ATL2: variants seen among roughly 807,000 people sequenced by gnomAD.
The protein encoded by ATL2 is atlastin-2.
A neutral mutation model predicts 73.9 loss-of-function variants in ATL2; 31 were observed. The observed-to-expected ratio is 0.42, with a 90% CI of 0.32 to 0.57. ATL2 has a LOEUF of 0.57. Ranked by LOEUF, ATL2 falls within the 20% of genes least tolerant of loss-of-function variation. The pLI is 0.14. For synonymous variants in ATL2, 291 were observed against 237.5 expected (o/e 1.23, Z -2.07); for missense variants, 738 against 702.6 (o/e 1.05, Z -0.57).
In ATL2 at chr2:38,377,025, G is replaced by T. The variant is rs945860942; in HGVS notation, c.118+118C>A. 11 of 811,322 alleles carry T rather than the reference G, an allele frequency of 1.4e-5. No individual in the cohort carries two copies. In the African/African-American group the frequency reaches 1.5e-4, roughly 11 times the overall value. The allele number at this position is 811,322 out of a possible 1,614,324, so 50.3% of individuals were successfully genotyped here. On this transcript the variant is annotated intron_variant, in intron 1 of 12. Coordinates refer to ENST00000378954, the MANE Select transcript of ATL2 (RefSeq NM_001135673.4). The stretch of plus-strand genomic sequence containing the variant: ...CCGGCGGGCAGGCGCGGCGGCGGGA[G>T]GAGACCTGAACCAGCCGCGGACTCC...
intron 7 of ATL2, among the ~76,000 whole-genome samples, chr2:38,312,245 C>T (rs150587538): frequency 0.035 from 5,323 of 152,228 alleles, 124 homozygotes; most frequent in African/African-American, 0.06. Context: ...CAAATCTCAT[C>T]TCAAATTGTA....
At chr2:38,376,328 G>T in intron 1 of ATL2, 2 of 1,148,512 alleles carry the variant, frequency 1.7e-6, no homozygotes, top group Non-Finnish European at 2.3e-6. Flanking sequence ...GGGCGCTCCT[G>T]GTACACGTAC....
chr2:38,368,082 C>G (rs1194583641), intron 1 of ATL2, among the ~76,000 whole-genome samples: 1 of 150,170 alleles, frequency 6.7e-6, no homozygotes, highest in African/African-American at 2.5e-5. Flanking sequence ...CTACAGGCGC[C>G]TGCCACCACG....
At chr2:38,377,354 T>C, upstream of ATL2, 2 of 1,105,832 alleles carry the variant, frequency 1.8e-6, no homozygotes, top group Non-Finnish European at 2.5e-6. Flanking sequence ...CGGCGGGTCC[T>C]AGCGCCGCTC....
intron 1 of ATL2, among the ~76,000 whole-genome samples, chr2:38,348,878 T>C (rs1051055249): frequency 6.6e-6 from 1 of 152,166 alleles, no homozygotes; most frequent in Non-Finnish European, 1.5e-5. Context: ...GAACAGACAC[T>C]TCTCAAAAGA....
chr2:38,377,454 C>G (rs561141764), upstream of ATL2, among the ~76,000 whole-genome samples: 2 of 150,204 alleles, frequency 1.3e-5, no homozygotes, highest in Non-Finnish European at 3.0e-5. Context: ...CCGCCCATCG[C>G]TCGCTCGCTC....
At chr2:38,377,321 C>T (rs938314781), upstream of ATL2, 6 of 1,430,260 alleles carry the variant, frequency 4.2e-6, no homozygotes, top group Non-Finnish European at 4.7e-6. Context: ...CTTTATCAAC[C>T]TCCCGGGAGC....
intron 4 of ATL2, 129 bp from the exon 5 acceptor site, chr2:38,315,463 T>C (rs760296853): frequency 4.4e-6 from 4 of 900,908 alleles, no homozygotes; most frequent in Non-Finnish European, 1.6e-6. Context: ...AACTACTATC[T>C]TGACAACTGA....
At chr2:38,301,320 A>G (rs1667179863) in intron 9 of ATL2, among the ~76,000 whole-genome samples, 1 of 152,226 alleles carries the variant, frequency 6.6e-6, no homozygotes, top group Non-Finnish European at 1.5e-5. Flanking sequence ...AAGGAGGCAG[A>G]GCAAGATGGC....
intron 9 of ATL2, among the ~76,000 whole-genome samples, chr2:38,303,658 C>G (rs1343796588): frequency 1.3e-5 from 2 of 152,108 alleles, no homozygotes; most frequent in African/African-American, 4.8e-5. Context: ...AGTTCATTGC[C>G]TTAAAGAGGA....
intron 1 of ATL2, among the ~76,000 whole-genome samples, chr2:38,375,949 A>C (rs939132026): frequency 6.6e-6 from 1 of 152,238 alleles, no homozygotes; most frequent in Non-Finnish European, 1.5e-5. Flanking sequence ...ATGATGAAGT[A>C]TATTTCAAAT....
rs1222726951 is a variant in ATL2, at chr2:38,301,335, T to C, written c.1072-1007A>G. ...AAGGAGGCAGAGCAAGATGGCCAAA[T>C]AGAAGCCTCCAGTGATCACCACCTC... On this transcript the variant is annotated intron_variant, in intron 9 of 12. Coordinates refer to ENST00000378954, the MANE Select transcript of ATL2 (RefSeq NM_001135673.4). Among the ~76,000 whole-genome samples the C allele has an allele frequency of 2.0e-5, 3 of 152,152 alleles. No homozygotes were observed. In the East Asian group the frequency reaches 5.8e-4, roughly 29 times the overall value.
At chr2:38,300,138 TA>T (rs1667107939) in intron 10 of ATL2, 133 bp downstream of exon 10, 1 of 699,588 alleles carries the variant, frequency 1.4e-6, no homozygotes, top group African/African-American at 1.8e-5. Context: ...CCACGACACA[TA>T]CGGCCTTAAG....
At chr2:38,367,735 T>C (rs1254945260) in intron 1 of ATL2, among the ~76,000 whole-genome samples, 32 of 140,160 alleles carry the variant, frequency 2.3e-4, no homozygotes, top group African/African-American at 8.3e-4. Context: ...AGGGTTCAAG[T>C]GATTCTCCAG....
At chr2:38,333,226 C>G (rs1268456278) in intron 2 of ATL2, among the ~76,000 whole-genome samples, 1 of 151,580 alleles carries the variant, frequency 6.6e-6, no homozygotes, top group Non-Finnish European at 1.5e-5. Context: ...GAGTTTGAGG[C>G]TTCAGTGAGC....
intron 1 of ATL2, among the ~76,000 whole-genome samples, chr2:38,369,584 C>T (rs1166042736): frequency 6.6e-6 from 1 of 151,176 alleles, no homozygotes; most frequent in Admixed American, 6.6e-5. Context: ...CCATGCTCGG[C>T]CAATTTTTTT....
chr2:38,347,783 TTTTTA>T (rs565813318), intron 1 of ATL2, among the ~76,000 whole-genome samples: 2,115 of 144,538 alleles, frequency 0.015, 34 homozygotes, highest in East Asian at 0.057. Flanking sequence ...TTTTTTTTTT[TTTTTA>T]AGGCAGAGCG....
At chr2:38,320,958 T>G (rs1668286790) in intron 2 of ATL2, among the ~76,000 whole-genome samples, 1 of 151,280 alleles carries the variant, frequency 6.6e-6, no homozygotes, top group Non-Finnish European at 1.5e-5. Flanking sequence ...CAGCCTGGCC[T>G]TGGTGAAACC....
chr2:38,368,973 C>T (rs1336803250), intron 1 of ATL2, among the ~76,000 whole-genome samples: 2 of 152,072 alleles, frequency 1.3e-5, no homozygotes, highest in African/African-American at 4.8e-5. Flanking sequence ...ATCACTATTC[C>T]AACATCAACT....
Sources: gnomAD v4.1 joint callset for allele counts (sites outside exome capture counted in the v4.1 genomes callset) on GRCh38, gnomAD v4.1.1 for gene constraint, MANE v1.5 for transcripts, NCBI Gene and HGNC (gene_info 2026-07-23, HGNC 2026-07-21) for gene names.